JRK: variants seen among roughly 807,000 people sequenced by gnomAD.
JRK encodes jerky protein homolog.
For missense variants in JRK, 720 were observed against 509.2 expected (o/e 1.41, Z -3.98); for synonymous variants, 303 against 218.1 (o/e 1.39, Z -3.43).
In JRK at chr8:142,662,181, C is replaced by G; in HGVS notation, c.*2171G>C. ...CAAGCGCCTACCCATCAGCCCAGCA[C>G]AGTCAGCACAAGAGCAGATCAAGAA... On this transcript the variant is annotated 3_prime_UTR_variant, in exon 2 of 2. Transcript: ENST00000612905. The G allele has an allele frequency of 1.0e-6, 1 of 985,906 alleles. No homozygotes were observed. 61.1% of individuals were successfully genotyped at this position (985,906 alleles called of 1,614,324 possible). A position where few individuals can be genotyped will look rare whatever the true frequency, so the allele number is the denominator to read the frequency against.
Position 142,660,579 on chromosome 8 carries a change from T to C in JRK, c.*3773A>G. The C allele has an allele frequency of 1.4e-6, 1 of 724,096 alleles. No homozygotes were observed. The highest frequency in any genetic ancestry group is 1.7e-6 in the Non-Finnish European group (1 of 593,014). The allele number at this position is 724,096 out of a possible 1,614,324, so 44.9% of individuals were successfully genotyped here. ...CACACCTGGCTCATTTTCTTTTACTTTCTGTAGAGATGGGGTCTCCCTATG... is the reference window on the plus strand; with the variant it reads ...CACACCTGGCTCATTTTCTTTTACTCTCTGTAGAGATGGGGTCTCCCTATG... On this transcript the variant is annotated 3_prime_UTR_variant, in exon 2 of 2. Coordinates refer to ENST00000612905, the MANE Select transcript of JRK (RefSeq NM_003724.4).
chr8:142,658,673 C>A lies in JRK; in HGVS notation c.*5679G>T. On this transcript the variant is annotated 3_prime_UTR_variant, in exon 2 of 2. Transcript: ENST00000612905. Reference sequence around the variant, plus strand: ...TCCCAAAGGCCCCACCTCCTAATACCACCCTCCTGGGGGTCAGGGTTTCAA... The same window carrying A: ...TCCCAAAGGCCCCACCTCCTAATACAACCCTCCTGGGGGTCAGGGTTTCAA... The A allele has an allele frequency of 8.9e-7, 1 of 1,129,808 alleles. No homozygotes were observed. The highest frequency in any genetic ancestry group is 1.2e-6 in the Non-Finnish European group (1 of 842,008). The allele number at this position is 1,129,808 out of a possible 1,614,324, so 70.0% of individuals were successfully genotyped here. A position where few individuals can be genotyped will look rare whatever the true frequency, so the allele number is the denominator to read the frequency against.
At chr8:142,656,389 T>G (rs1554633650), downstream of JRK, among the ~76,000 whole-genome samples, 1 of 152,184 alleles carries the variant, frequency 6.6e-6, no homozygotes, top group Non-Finnish European at 1.5e-5. Flanking sequence ...ATGACAGTGG[T>G]TTGAAAGTGT....
the JRK span, among the ~76,000 whole-genome samples, chr8:142,647,480 C>G: frequency 6.6e-6 from 1 of 152,130 alleles, no homozygotes; most frequent in Non-Finnish European, 1.5e-5. Context: ...GCACGTCTTT[C>G]CCATGCTGTT....
chr8:142,661,908 C>T lies in JRK; in HGVS notation c.*2444G>A, dbSNP rs1302164023. 4.1e-6 allele frequency: 4 copies of T among 985,518 alleles called. No individual in the cohort carries two copies. The highest frequency in any genetic ancestry group is 1.1e-4 in the East Asian group (1 of 8,822). The allele number at this position is 985,518 out of a possible 1,614,324, so 61.0% of individuals were successfully genotyped here. On this transcript the variant is annotated 3_prime_UTR_variant, in exon 2 of 2. Coordinates refer to ENST00000612905, the MANE Select transcript of JRK (RefSeq NM_003724.4). ...CATAAAGCGTTCTGGGGGACAGGACCGAGGCAAGAGGTATGCACCAGGCAG... is the reference window on the plus strand; with the variant it reads ...CATAAAGCGTTCTGGGGGACAGGACTGAGGCAAGAGGTATGCACCAGGCAG...
Position 142,664,482 on chromosome 8 carries a change from T to G in JRK, c.1577A>C (p.Gln526Pro). The G allele has an allele frequency of 1.2e-6, 2 of 1,611,164 alleles. No homozygotes were observed. The highest frequency in any genetic ancestry group is 1.7e-6 in the Non-Finnish European group (2 of 1,179,054). ...GGCACCACGCCGCCTCCTCACCTGC[T>G]GCTGGCTCCGGAACACGGCACGCAG... Reference protein sequence around the residue: ...RALRAVFRSQQQVRRRRGALG... With the variant: ...RALRAVFRSQPQVRRRRGALG... The change falls in exon 2 of 2, where the codon CAG becomes CCG. Residue 526 changes from glutamine (Q) to proline (P), a missense_variant. Physicochemically the swap from Gln to Pro is moderately conservative, Grantham distance 76. Transcript: ENST00000612905.
In JRK at chr8:142,664,883, G is replaced by A. The variant is rs183980369; in HGVS notation, c.1176C>T (p.Ala392=). 218 of 1,348,326 alleles carry A rather than the reference G, an allele frequency of 1.6e-4. No individual in the cohort carries two copies. Among genetic ancestry groups the A allele is most frequent in the Admixed American group, 1.4e-3 (83 of 58,968 alleles). 83.5% of individuals were successfully genotyped at this position (1,348,326 alleles called of 1,614,324 possible). ...ACTCCTCCTCAGAGGAGGAGCCTTC[G>A]GCAAACGCAACCGACGGCCACAGCT... ...WRKLWPSVAF[A]EGSSSEEELE... The change falls in exon 2 of 2, where the codon GCC becomes GCT. Residue 392 remains alanine (A), a synonymous_variant. Coordinates refer to ENST00000612905, the MANE Select transcript of JRK (RefSeq NM_003724.4).
intron 1 of JRK, among the ~76,000 whole-genome samples, chr8:142,667,861 T>A (rs979394971): frequency 5.9e-5 from 9 of 152,202 alleles, no homozygotes; most frequent in Admixed American, 5.9e-4. Flanking sequence ...TCATAACAAC[T>A]CTGCGAAACA....
chr8:142,669,806 C>T (rs1847268998), intron 1 of JRK, 126 bp downstream of exon 1: 1 of 149,848 alleles, frequency 6.7e-6, no homozygotes, highest in Admixed American at 6.7e-5. Flanking sequence ...CGCCCCGCCC[C>T]GCGCGCCCGC....
At position 142,663,139 on chromosome 8, in the gene JRK, T is replaced by TGA. The variant is rs1846971870; in HGVS notation, c.*1211_*1212dup. The TGA allele has an allele frequency of 2.0e-6, 2 of 982,968 alleles. No homozygotes were observed. Among genetic ancestry groups the TGA allele is most frequent in the African/African-American group, 3.5e-5 (2 of 57,130 alleles). The allele number at this position is 982,968 out of a possible 1,614,324, so 60.9% of individuals were successfully genotyped here. A position where few individuals can be genotyped will look rare whatever the true frequency, so the allele number is the denominator to read the frequency against. Reference sequence around the variant, plus strand: ...CTTCACTCCAGCCTGGTCAACAGAGTGAGACCCTGCCTCAAGAAAAGAAAA... The same window carrying TGA: ...CTTCACTCCAGCCTGGTCAACAGAGTGAGAGACCCTGCCTCAAGAAAAGAAAA... On this transcript the variant is annotated 3_prime_UTR_variant, in exon 2 of 2. Transcript: ENST00000612905.
At chr8:142,645,827 T>G in the JRK span, among the ~76,000 whole-genome samples, 1 of 152,340 alleles carries the variant, frequency 6.6e-6, no homozygotes, top group South Asian at 2.1e-4. Context: ...CATACAGGAT[T>G]CTGTCTCATA....
At chr8:142,668,494 G>A (rs587665522) in intron 1 of JRK, among the ~76,000 whole-genome samples, 1 of 151,648 alleles carries the variant, frequency 6.6e-6, no homozygotes, top group South Asian at 2.1e-4. Flanking sequence ...CAGGAGGGAA[G>A]GCAAGGCCAC....
Position 142,661,181 on chromosome 8 carries a change from C to CAG in JRK, c.*3169_*3170dup. On this transcript the variant is annotated 3_prime_UTR_variant, in exon 2 of 2. Coordinates refer to ENST00000612905, the MANE Select transcript of JRK (RefSeq NM_003724.4). ...GCTCTAGACCCTCCTATGCAGGAGACAGACAACTTCCAGGACAGCGTGCCT... is the reference window on the plus strand; with the variant it reads ...GCTCTAGACCCTCCTATGCAGGAGACAGAGACAACTTCCAGGACAGCGTGCCT... 1 of 985,532 alleles carries CAG rather than the reference C, an allele frequency of 1.0e-6. No individual in the cohort carries two copies. The highest frequency in any genetic ancestry group is 1.2e-6 in the Non-Finnish European group (1 of 829,996). The allele number at this position is 985,532 out of a possible 1,614,324, so 61.0% of individuals were successfully genotyped here. A position where few individuals can be genotyped will look rare whatever the true frequency, so the allele number is the denominator to read the frequency against.
the JRK span, among the ~76,000 whole-genome samples, chr8:142,648,857 T>G: frequency 2.0e-5 from 3 of 152,108 alleles, no homozygotes; most frequent in Non-Finnish European, 4.4e-5. Flanking sequence ...CACCAGCCCA[T>G]GAAGGCAGCT....
In JRK at chr8:142,659,493, C is replaced by A; in HGVS notation, c.*4859G>T. ...GTGGAAATGGCCGTGCTGACAGGCT[C>A]TCTGCGATAGGGCCCAGCCATGGCC... On this transcript the variant is annotated 3_prime_UTR_variant, in exon 2 of 2. Coordinates refer to ENST00000612905, the MANE Select transcript of JRK (RefSeq NM_003724.4). 3.0e-6 allele frequency: 3 copies of A among 986,420 alleles called. No homozygotes were observed. Among genetic ancestry groups the A allele is most frequent in the Non-Finnish European group, 3.6e-6 (3 of 830,566 alleles). 61.1% of individuals were successfully genotyped at this position (986,420 alleles called of 1,614,324 possible). A position where few individuals can be genotyped will look rare whatever the true frequency, so the allele number is the denominator to read the frequency against.
chr8:142,645,592 A>G, the JRK span, among the ~76,000 whole-genome samples: 3 of 152,216 alleles, frequency 2.0e-5, no homozygotes, highest in Non-Finnish European at 4.4e-5. Flanking sequence ...AGGTGGGAAA[A>G]TGGCATGAAC....
Position 142,658,562 on chromosome 8 carries a change from C to T in JRK, c.*5790G>A, listed in dbSNP as rs1801343. 0.035 allele frequency: 9,333 copies of T among 269,304 alleles called. 223 individuals are homozygous for T. Among genetic ancestry groups the T allele is most frequent in the Non-Finnish European group, 0.048 (6,600 of 138,696 alleles). The allele number at this position is 269,304 out of a possible 1,614,324, so 16.7% of individuals were successfully genotyped here. On this transcript the variant is annotated 3_prime_UTR_variant, in exon 2 of 2. Coordinates refer to ENST00000612905, the MANE Select transcript of JRK (RefSeq NM_003724.4). Reference sequence around the variant, plus strand: ...TGTATGCTCACACAGCACAAAGTGACCTCGCTCTAGTTCCTTCCTTTTCTT... The same window carrying T: ...TGTATGCTCACACAGCACAAAGTGATCTCGCTCTAGTTCCTTCCTTTTCTT...
downstream of JRK, among the ~76,000 whole-genome samples, chr8:142,655,209 C>T (rs587687559): frequency 5.6e-4 from 85 of 152,334 alleles, no homozygotes; most frequent in Non-Finnish European, 9.1e-4. Flanking sequence ...GGGACCAGCA[C>T]TGACTTCAGA....
Position 142,659,629 on chromosome 8 carries a change from G to A in JRK, c.*4723C>T, listed in dbSNP as rs1305381862. 2.0e-6 allele frequency: 2 copies of A among 985,578 alleles called. No homozygotes were observed. Among genetic ancestry groups the A allele is most frequent in the East Asian group, 1.1e-4 (1 of 8,818 alleles). The allele number at this position is 985,578 out of a possible 1,614,324, so 61.1% of individuals were successfully genotyped here. A position where few individuals can be genotyped will look rare whatever the true frequency, so the allele number is the denominator to read the frequency against. ...GGCCATACCCAGATTCAGAGGCTCA[G>A]GACCACCACGGAACTGAAAGGAGGT... On this transcript the variant is annotated 3_prime_UTR_variant, in exon 2 of 2. Transcript: ENST00000612905.
Sources: allele counts gnomAD v4.1 joint callset (sites outside exome capture counted in the v4.1 genomes callset), GRCh38; gene constraint gnomAD v4.1.1; transcripts MANE v1.5; gene names NCBI Gene and HGNC (gene_info 2026-07-23, HGNC 2026-07-21).